Variants in CAMTA1 observed in about 807,000 individuals in gnomAD.
The protein encoded by CAMTA1 is calmodulin binding transcription activator 1.
In CAMTA1, 27 loss-of-function variants were observed where a neutral mutation model predicts 170.9. That is an observed-to-expected ratio of 0.16 (90% CI 0.12 to 0.22). The LOEUF (loss-of-function observed/expected upper bound fraction) is 0.22, where lower values mean the gene tolerates loss of function less well. Among genes scored for constraint, CAMTA1 ranks in the 10% least tolerant of loss-of-function variants. The pLI is 1.00. For synonymous variants in CAMTA1, 833 were observed against 891.5 expected (o/e 0.93, Z 1.17); for missense variants, 1,619 against 2,217.2 (o/e 0.73, Z 5.42).
chr1:7,526,623 G>T (rs572259167), intron 6 of CAMTA1, among the ~76,000 whole-genome samples: 67 of 152,380 alleles, frequency 4.4e-4, no homozygotes, highest in African/African-American at 1.6e-3. Context: ...GACAAAGCAT[G>T]AGTGTGTGGT....
At chr1:7,253,859 A>C (rs1224976971) in intron 5 of CAMTA1, among the ~76,000 whole-genome samples, 1 of 152,158 alleles carries the variant, frequency 6.6e-6, no homozygotes, top group African/African-American at 2.4e-5. Flanking sequence ...TCCTTCATCC[A>C]CTGGGGATTG....
intron 11 of CAMTA1, among the ~76,000 whole-genome samples, chr1:7,710,467 G>A (rs1394583242): frequency 6.6e-6 from 1 of 151,920 alleles, no homozygotes. Context: ...GGACACAGTG[G>A]CACACACCTA....
chr1:6,932,696 A>G (rs2149381500), intron 3 of CAMTA1, among the ~76,000 whole-genome samples: 1 of 152,354 alleles, frequency 6.6e-6, no homozygotes, highest in African/African-American at 2.4e-5. Context: ...TCTAACAGGC[A>G]TGTGGTATAT....
chr1:6,926,867 ACT>A (rs1365952608), intron 3 of CAMTA1, among the ~76,000 whole-genome samples: 3 of 151,670 alleles, frequency 2.0e-5, no homozygotes, highest in African/African-American at 7.3e-5. Context: ...AGTAGCTGGG[ACT>A]ACATGCACCT....
chr1:7,401,870 C>T (rs1438045613), intron 5 of CAMTA1, among the ~76,000 whole-genome samples: 3 of 152,210 alleles, frequency 2.0e-5, no homozygotes, highest in African/African-American at 4.8e-5. Context: ...TCTATGCTTC[C>T]CACTCCCCAC....
At chr1:7,755,611 T>C in intron 21 of CAMTA1, 27 bp from the exon 22 acceptor site, 1 of 1,601,066 alleles carries the variant, frequency 6.2e-7, no homozygotes, top group Non-Finnish European at 8.6e-7. Flanking sequence ...TGCTAATAGC[T>C]CTCTGGTGTT....
chr1:6,960,884 A>G (rs1487861230), intron 3 of CAMTA1, among the ~76,000 whole-genome samples: 1 of 152,236 alleles, frequency 6.6e-6, no homozygotes, highest in East Asian at 1.9e-4. Flanking sequence ...GAAAGGATTT[A>G]GCCTTTATAA....
chr1:7,086,408 T>C (rs984407838), intron 3 of CAMTA1, among the ~76,000 whole-genome samples: 2 of 152,168 alleles, frequency 1.3e-5, no homozygotes, highest in African/African-American at 4.8e-5. Flanking sequence ...TGGATGTTGA[T>C]GCCTCCTTCT....
rs898722615 is a variant in CAMTA1 at position 7,561,070 on chromosome 1, G to A, written c.511-79330G>A. On this transcript the variant is annotated intron_variant, in intron 6 of 22. Coordinates refer to ENST00000303635, the MANE Select transcript of CAMTA1 (RefSeq NM_015215.4). The surrounding 1 kb of genome is among the most constrained non-coding windows in gnomAD (Gnocchi z 5.3). ...CTCAGGGGGTGACGCTGGGCTGGGC[G>A]CTTCCCATGAGGCAGGATCCTCATT... Among the ~76,000 whole-genome samples, 5 of 152,146 alleles carry A rather than the reference G, an allele frequency of 3.3e-5. No homozygotes were observed. The highest frequency in any genetic ancestry group is 9.7e-5 in the African/African-American group (4 of 41,442).
intron 3 of CAMTA1, among the ~76,000 whole-genome samples, chr1:6,870,089 A>C (rs1667953448): frequency 6.6e-6 from 1 of 152,202 alleles, no homozygotes; most frequent in African/African-American, 2.4e-5. Context: ...TTTTTAATGC[A>C]AAATATTTTT....
intron 7 of CAMTA1, among the ~76,000 whole-genome samples, chr1:7,648,404 A>AG (rs1476506741): frequency 2.5e-4 from 38 of 151,746 alleles, no homozygotes; most frequent in Admixed American, 8.5e-4. Context: ...AAAAAAAAAA[A>AG]AGAGAGAGAG....
intron 4 of CAMTA1, among the ~76,000 whole-genome samples, chr1:7,151,297 A>G (rs1646561125): frequency 6.6e-6 from 1 of 152,228 alleles, no homozygotes; most frequent in South Asian, 2.1e-4. Context: ...CCCGAGCCTA[A>G]TTAACTGATG....
intron 4 of CAMTA1, among the ~76,000 whole-genome samples, chr1:7,134,062 C>G (rs1645411614): frequency 6.6e-6 from 1 of 152,082 alleles, no homozygotes; most frequent in Non-Finnish European, 1.5e-5. Context: ...CTGACTCCCC[C>G]CAGGTAGTCT....
chr1:7,026,781 C>G (rs1158641844), intron 3 of CAMTA1, among the ~76,000 whole-genome samples: 5 of 151,952 alleles, frequency 3.3e-5, no homozygotes, highest in African/African-American at 1.2e-4. Context: ...CAAGCACGTG[C>G]CACCACATCC....
At chr1:7,683,552 C>T (rs1423591051) in intron 11 of CAMTA1, among the ~76,000 whole-genome samples, 1 of 152,160 alleles carries the variant, frequency 6.6e-6, no homozygotes, top group Non-Finnish European at 1.5e-5. Context: ...CCACCGAGAG[C>T]TTTCTGGCAT....
intron 3 of CAMTA1, among the ~76,000 whole-genome samples, chr1:7,043,226 C>G (rs889474998): frequency 1.4e-4 from 21 of 152,188 alleles, no homozygotes; most frequent in African/African-American, 4.3e-4. Flanking sequence ...GGCAGGGGCC[C>G]TCCTCTTTCC....
intron 1 of CAMTA1, among the ~76,000 whole-genome samples, chr1:6,797,925 A>G (rs904149962): frequency 2.0e-5 from 3 of 151,820 alleles, no homozygotes; most frequent in Non-Finnish European, 2.9e-5. Context: ...CCTAATAATG[A>G]AATAATTTAT....
rs149986326 is a variant in CAMTA1 at position 7,720,552 on chromosome 1, T to C, written c.2915-11896T>C. Among the ~76,000 whole-genome samples, 580 of 152,228 alleles carry C rather than the reference T, an allele frequency of 3.8e-3. 5 individuals are homozygous for C. Among genetic ancestry groups the C allele is most frequent in the African/African-American group, 0.013 (555 of 41,522 alleles). ...ACCTACCACCATGCCTGGCTAAATT[T>C]TGTATTTTTAGTAGAGACGGGGTTC... On this transcript the variant is annotated intron_variant, in intron 11 of 22. Coordinates refer to ENST00000303635, the MANE Select transcript of CAMTA1 (RefSeq NM_015215.4).
chr1:6,806,317 T>C (rs1278850200), intron 1 of CAMTA1, among the ~76,000 whole-genome samples: 1 of 152,208 alleles, frequency 6.6e-6, no homozygotes, highest in Non-Finnish European at 1.5e-5. Context: ...CTGTTCTTCT[T>C]TTTCAAGATT....
Sources: gnomAD v4.1 joint callset for allele counts (sites outside exome capture counted in the v4.1 genomes callset) on GRCh38, gnomAD v4.1.1 for gene constraint, Gnocchi (gnomAD v3.1) non-coding constraint, MANE v1.5 for transcripts, NCBI Gene and HGNC (gene_info 2026-07-23, HGNC 2026-07-21) for gene names.